RTTN: variants seen among roughly 807,000 people sequenced by gnomAD.
The protein encoded by RTTN is rotatin.
Under a neutral mutation model 269.2 loss-of-function variants are expected in RTTN, and 182 were observed. The observed-to-expected ratio is 0.68, with a 90% CI of 0.60 to 0.76. The LOEUF (loss-of-function observed/expected upper bound fraction) is 0.76, where lower values mean the gene tolerates loss of function less well. Ranked by LOEUF, RTTN falls within the 30% of genes least tolerant of loss-of-function variation. The pLI is 0.00. For synonymous variants in RTTN, 1,006 were observed against 963.5 expected, an observed-to-expected ratio of 1.04 and a Z score of -0.82; for missense variants, 2,545 against 2,608.6, an observed-to-expected ratio of 0.98 and a Z score of 0.53.
At chr18:70,143,657 A>G (rs1456416759) in intron 18 of RTTN, among the ~76,000 whole-genome samples, 2 of 152,086 alleles carry the variant, frequency 1.3e-5, no homozygotes, top group East Asian at 3.9e-4. Flanking sequence ...TAGGCTTAGT[A>G]CCAGGGTGAC....
chr18:70,177,405 A>G (rs2061328804), intron 10 of RTTN, among the ~76,000 whole-genome samples: 1 of 152,238 alleles, frequency 6.6e-6, no homozygotes, highest in Non-Finnish European at 1.5e-5. Context: ...TAAGGTTTCA[A>G]GTGGAAAATG....
chr18:70,017,977 T>C (rs1166812126), intron 45 of RTTN, among the ~76,000 whole-genome samples: 1 of 152,236 alleles, frequency 6.6e-6, no homozygotes, highest in Non-Finnish European at 1.5e-5. Flanking sequence ...TTCAGGGCTC[T>C]TGAGTTTTCT....
Position 70,071,391 on chromosome 18 carries a change from T to C in RTTN, c.4653+2515A>G, listed in dbSNP as rs1019885007. 6.4e-4 allele frequency among the ~76,000 whole-genome samples: 97 copies of C among 152,146 alleles called. 3 individuals are homozygous for C. The highest frequency in any genetic ancestry group is 2.9e-5 in the Non-Finnish European group (2 of 68,020). On this transcript the variant is annotated intron_variant, in intron 34 of 48. Coordinates refer to ENST00000640769, the MANE Select transcript of RTTN (RefSeq NM_173630.4). ...CCACATATTTTATTTTGACAATTGA[T>C]AAATTTAAAAAAATACAGACATAGT...
At chr18:70,198,621 TA>T (rs2061871945) in intron 5 of RTTN, among the ~76,000 whole-genome samples, 1 of 152,196 alleles carries the variant, frequency 6.6e-6, no homozygotes, top group Admixed American at 6.5e-5. Flanking sequence ...AAATACTCTC[TA>T]AATCTCTATA....
chr18:70,142,411 A>AACAAAAAAAAAAAAAAAC (rs1555752782), intron 18 of RTTN, 24 bp from the exon 19 acceptor site: 1 of 881,796 alleles, frequency 1.1e-6, no homozygotes. Flanking sequence ...AAAAAAAAAA[A>AACAAAAAAAAAAAAAAAC]CCAAAATTAC....
intron 34 of RTTN, among the ~76,000 whole-genome samples, chr18:70,066,820 G>A (rs2058148943): frequency 6.6e-6 from 1 of 152,108 alleles, no homozygotes; most frequent in African/African-American, 2.4e-5. Flanking sequence ...TTACCATGAT[G>A]AAATGAAAGC....
At chr18:70,076,527 A>G (rs1167078659) in intron 32 of RTTN, among the ~76,000 whole-genome samples, 11 of 152,054 alleles carry the variant, frequency 7.2e-5, no homozygotes, top group Admixed American at 5.9e-4. Context: ...TACACTAACA[A>G]GGTTATTTCT....
At chr18:70,012,107 G>A (rs2056396577) in intron 46 of RTTN, among the ~76,000 whole-genome samples, 2 of 124,254 alleles carry the variant, frequency 1.6e-5, no homozygotes, top group African/African-American at 2.7e-5. Context: ...CACTGGTATT[G>A]GTTACAGGGC....
At chr18:70,009,346 C>T (rs771397757) in intron 46 of RTTN, among the ~76,000 whole-genome samples, 9 of 152,074 alleles carry the variant, frequency 5.9e-5, no homozygotes, top group Non-Finnish European at 1.2e-4. Flanking sequence ...CCATATGGGC[C>T]AGGCTGGTCT....
rs116759696 is a variant in RTTN at position 70,160,860 on chromosome 18, T to C, written c.1929+5202A>G. On this transcript the variant is annotated intron_variant, in intron 14 of 48. Transcript: ENST00000640769. The stretch of plus-strand genomic sequence containing the variant: ...AGAAAGATATCAGAGATGACACAAA[T>C]GGAAAAACATTCTCTGCTTATGAAT... Among the ~76,000 whole-genome samples, 372 of 152,114 alleles carry C rather than the reference T, an allele frequency of 2.4e-3. 1 individual carries two copies. Among genetic ancestry groups the C allele is most frequent in the African/African-American group, 8.4e-3 (348 of 41,516 alleles).
chr18:70,145,026 C>T (rs2145750758), intron 18 of RTTN, among the ~76,000 whole-genome samples: 1 of 152,332 alleles, frequency 6.6e-6, no homozygotes, highest in South Asian at 2.1e-4. Flanking sequence ...TTTACAGCCG[C>T]TGCCCATTGC....
rs1001553601 is a variant in RTTN, at chr18:70,205,681, G to A, written c.-23C>T. On this transcript the variant is annotated 5_prime_UTR_variant, in exon 1 of 49. Transcript: ENST00000640769. ...CATCTCGTCCCGTCAATCTGCAGCC[G>A]CCGGAGAATTAAACTGCCGCGCCAC... 2 of 1,613,948 alleles carry A rather than the reference G, an allele frequency of 1.2e-6. No homozygotes were observed. Among genetic ancestry groups the A allele is most frequent in the Admixed American group, 1.7e-5 (1 of 60,024 alleles).
intron 32 of RTTN, among the ~76,000 whole-genome samples, chr18:70,082,193 C>T (rs2058587231): frequency 6.6e-6 from 1 of 152,070 alleles, no homozygotes; most frequent in East Asian, 1.9e-4. Context: ...TATTTAAGTG[C>T]ATGAAATTAC....
In RTTN at chr18:70,051,566, A is replaced by G. The variant is rs771805633; in HGVS notation, c.5186-18T>C. The G allele has an allele frequency of 4.5e-6, 7 of 1,561,132 alleles. No homozygotes were observed. Among genetic ancestry groups the G allele is most frequent in the Non-Finnish European group, 6.1e-6 (7 of 1,142,560 alleles). ...CTCTTTATCTATAAAATTAATCAAA[A>G]CACTTCAAGTTATTAACACAAAGAA... On this transcript the variant is annotated intron_variant, in intron 38 of 48. Coordinates refer to ENST00000640769, the MANE Select transcript of RTTN (RefSeq NM_173630.4).
At chr18:70,064,361 C>T (rs1406179809) in intron 35 of RTTN, among the ~76,000 whole-genome samples, 2 of 131,820 alleles carry the variant, frequency 1.5e-5, no homozygotes, top group East Asian at 2.1e-4. Context: ...AAAAAAAAAG[C>T]GTTAATACTT....
intron 1 of RTTN, 105 bp downstream of exon 1, chr18:70,205,523 G>T: frequency 6.7e-7 from 1 of 1,483,188 alleles, no homozygotes; most frequent in African/African-American, 1.4e-5. Context: ...GGGTGAAAGA[G>T]GGAGCGGTCG....
chr18:70,144,581 G>A (rs144922399), intron 18 of RTTN, among the ~76,000 whole-genome samples: 340 of 152,274 alleles, frequency 2.2e-3, no homozygotes, highest in Middle Eastern at 0.017. Flanking sequence ...ACTCACAGAA[G>A]ACGTATTAGA....
intron 28 of RTTN, among the ~76,000 whole-genome samples, chr18:70,108,396 C>A (rs943558856): frequency 2.0e-5 from 3 of 152,142 alleles, no homozygotes; most frequent in Admixed American, 2.0e-4. Flanking sequence ...CACACCAATG[C>A]AAATCAGCTA....
At chr18:70,146,594 A>C (rs1377154624) in intron 17 of RTTN, among the ~76,000 whole-genome samples, 1 of 152,210 alleles carries the variant, frequency 6.6e-6, no homozygotes, top group Non-Finnish European at 1.5e-5. Context: ...CTCCTACTAC[A>C]GACTAGAGCA....
Sources: allele counts gnomAD v4.1 joint callset (sites outside exome capture counted in the v4.1 genomes callset), GRCh38; gene constraint gnomAD v4.1.1; transcripts MANE v1.5; gene names NCBI Gene and HGNC (gene_info 2026-07-23, HGNC 2026-07-21).